KALRN: variants seen among roughly 807,000 people sequenced by gnomAD.
KALRN encodes the protein kalirin RhoGEF kinase.
KALRN carries 70 observed loss-of-function variants against 353.7 expected under a neutral mutation model. That is an observed-to-expected ratio of 0.20 (90% CI 0.16 to 0.24). The LOEUF (loss-of-function observed/expected upper bound fraction) is 0.24, where lower values mean the gene tolerates loss of function less well. Among genes scored for constraint, KALRN ranks in the 10% least tolerant of loss-of-function variants. KALRN has a pLI of 1.00. For synonymous variants in KALRN, 1,391 were observed against 1,434.8 expected, an observed-to-expected ratio of 0.97 and a Z score of 0.69; for missense variants, 2,791 against 3,756.7, an observed-to-expected ratio of 0.74 and a Z score of 6.72.
intron 1 of KALRN, among the ~76,000 whole-genome samples, chr3:124,227,679 T>TG (rs1560289183): frequency 4.1e-4 from 12 of 29,480 alleles, no homozygotes; most frequent in African/African-American, 1.3e-3. Flanking sequence ...TTTTTTTTTT[T>TG]TTTTTTTTTT....
intron 11 of KALRN, among the ~76,000 whole-genome samples, chr3:124,390,316 G>A (rs1046603553): frequency 1.3e-5 from 2 of 152,268 alleles, no homozygotes. Context: ...AAGGAACATG[G>A]CCAAAGTAAC....
chr3:124,070,594 T>C (rs998081529), intron 1 of KALRN, among the ~76,000 whole-genome samples: 3 of 152,240 alleles, frequency 2.0e-5, no homozygotes, highest in Non-Finnish European at 4.4e-5. Context: ...TCATTATTAC[T>C]GTTTCACATG....
intron 28 of KALRN, among the ~76,000 whole-genome samples, chr3:124,486,285 A>G (rs149210073): frequency 2.4e-3 from 373 of 152,304 alleles, no homozygotes; most frequent in African/African-American, 8.8e-3. Flanking sequence ...GTTTTCTGTC[A>G]CAAATTGAAG....
At chr3:124,455,393 C>T (rs768997266) in intron 22 of KALRN, 34 bp downstream of exon 22, 1 of 1,588,936 alleles carries the variant, frequency 6.3e-7, no homozygotes, top group South Asian at 1.1e-5. Context: ...GGACATCCTC[C>T]CTTCTCATCT....
chr3:124,661,699 ACT>A (rs2084899719), intron 44 of KALRN, 150 bp from the exon 45 acceptor site: 2 of 672,772 alleles, frequency 3.0e-6, no homozygotes, highest in African/African-American at 1.8e-5. Context: ...AAAGCCCCAC[ACT>A]CTCTGAGAGT....
At chr3:124,152,657 A>C in intron 1 of KALRN, 1 of 567,378 alleles carries the variant, frequency 1.8e-6, no homozygotes, top group Non-Finnish European at 3.0e-6. Context: ...GCAGTGGTGC[A>C]ATCGAGGCTC....
intron 33 of KALRN, among the ~76,000 whole-genome samples, chr3:124,529,599 A>G (rs1403096858): frequency 6.6e-6 from 1 of 152,136 alleles, no homozygotes. Context: ...ATCAAGGTGG[A>G]CAGTGGAACC....
At chr3:124,132,007 T>C (rs1454871256) in intron 1 of KALRN, among the ~76,000 whole-genome samples, 1 of 152,212 alleles carries the variant, frequency 6.6e-6, no homozygotes, top group African/African-American at 2.4e-5. Flanking sequence ...GTGTATTATA[T>C]GGTCAGTTTT....
Position 124,033,888 on chromosome 3 carries a change from G to A in KALRN, c.73+75G>A, listed in dbSNP as rs1404240892. On this transcript the variant is annotated intron_variant, in intron 1 of 59. Transcript: ENST00000682506. This position sits in a 1 kb window ranked among gnomAD's most constrained non-coding sequence, Gnocchi z 6.2. ...ACGCGGCGTCTCGGACAAGTTTGGG[G>A]AAGGAGGGCTGTTGCTGCCGCGTGC... 6.6e-6 allele frequency among the ~76,000 whole-genome samples: 1 copy of A among 152,226 alleles called. No homozygotes were observed. Among genetic ancestry groups the A allele is most frequent in the Non-Finnish European group, 1.5e-5 (1 of 68,040 alleles).
At chr3:124,549,589 A>G (rs1295365579) in intron 33 of KALRN, among the ~76,000 whole-genome samples, 1 of 152,166 alleles carries the variant, frequency 6.6e-6, no homozygotes, top group African/African-American at 2.4e-5. Context: ...TAGTATATAC[A>G]TATATACACA....
chr3:124,430,961 C>T (rs2093246905), intron 16 of KALRN, among the ~76,000 whole-genome samples, 186 bp downstream of exon 16: 1 of 152,176 alleles, frequency 6.6e-6, no homozygotes, highest in African/African-American at 2.4e-5. Context: ...GTTCATCCCC[C>T]AGGGAGGCCT....
At chr3:124,152,559 TTTCTTTTC>T (rs1049556608) in intron 1 of KALRN, 12 of 632,662 alleles carry the variant, frequency 1.9e-5, no homozygotes, top group African/African-American at 1.6e-4. Flanking sequence ...TTTCTTTTCT[TTTCTTTTC>T]TTTTCTTTTC....
intron 33 of KALRN, among the ~76,000 whole-genome samples, chr3:124,546,455 C>A (rs1462547244): frequency 6.6e-6 from 1 of 151,752 alleles, no homozygotes; most frequent in African/African-American, 2.4e-5. Flanking sequence ...TAGAGTGAGA[C>A]CTTATGTCAA....
chr3:124,603,150 C>T (rs548231107), intron 34 of KALRN, among the ~76,000 whole-genome samples: 2 of 152,284 alleles, frequency 1.3e-5, no homozygotes, highest in Non-Finnish European at 2.9e-5. Context: ...GGCATACACA[C>T]ACAGACTTTT....
intron 23 of KALRN, among the ~76,000 whole-genome samples, chr3:124,459,618 C>A (rs1007645882): frequency 6.6e-6 from 1 of 152,096 alleles, no homozygotes; most frequent in African/African-American, 2.4e-5. Flanking sequence ...AACAATGAAC[C>A]GTACCAATCT....
intron 11 of KALRN, among the ~76,000 whole-genome samples, chr3:124,386,647 A>G (rs2088373589): frequency 6.6e-6 from 1 of 152,184 alleles, no homozygotes; most frequent in Non-Finnish European, 1.5e-5. Context: ...ACTTGGCCCT[A>G]AGGCCCCTTA....
chr3:124,392,977 C>G (rs1480977654), intron 11 of KALRN, among the ~76,000 whole-genome samples: 3 of 129,962 alleles, frequency 2.3e-5, no homozygotes. Flanking sequence ...GTGATATTCC[C>G]CTTCCGGAGA....
At chr3:124,312,060 G>A (rs149582999) in intron 6 of KALRN, among the ~76,000 whole-genome samples, 13 of 152,280 alleles carry the variant, frequency 8.5e-5, no homozygotes, top group African/African-American at 2.9e-4. Flanking sequence ...CAATGAAAAT[G>A]TTCTAAAATT....
In KALRN at chr3:124,720,425, T is replaced by G. The variant is rs2063331650; in HGVS notation, c.*955T>G. The stretch of plus-strand genomic sequence containing the variant: ...AAATGAAAACCTTTCCTACAGTTCC[T>G]ATGAACAACGTACCAACACTTTCTG... On this transcript the variant is annotated 3_prime_UTR_variant, in exon 60 of 60. Coordinates refer to ENST00000682506, the MANE Select transcript of KALRN (RefSeq NM_001388419.1). 1 of 152,652 alleles carries G rather than the reference T, an allele frequency of 6.6e-6. No individual in the cohort carries two copies. Among genetic ancestry groups the G allele is most frequent in the Non-Finnish European group, 1.5e-5 (1 of 68,036 alleles). The allele number at this position is 152,652 out of a possible 1,614,324, so 9.5% of individuals were successfully genotyped here.
Sources: allele counts gnomAD v4.1 joint callset (sites outside exome capture counted in the v4.1 genomes callset), GRCh38; gene constraint gnomAD v4.1.1; non-coding constraint Gnocchi (gnomAD v3.1); transcripts MANE v1.5; gene names NCBI Gene and HGNC (gene_info 2026-07-23, HGNC 2026-07-21).